Variants in MACROD2 observed in about 807,000 individuals in gnomAD.
MACROD2 encodes the protein mono-ADP ribosylhydrolase 2, also known as ADP-ribose glycohydrolase MACROD2.
MACROD2 carries 36 observed loss-of-function variants against 70.4 expected under a neutral mutation model. The observed-to-expected ratio is 0.51, with a 90% CI of 0.39 to 0.68. MACROD2 has a LOEUF of 0.68. MACROD2 is among the 30% of genes least tolerant of loss of function. MACROD2 has a pLI of 0.00. For missense variants in MACROD2, 496 were observed against 538.4 expected (o/e 0.92, Z 0.78); for synonymous variants, 172 against 178.8 (o/e 0.96, Z 0.30).
At chr20:15,116,700 C>A (rs2075994260) in intron 5 of MACROD2, among the ~76,000 whole-genome samples, 1 of 152,152 alleles carries the variant, frequency 6.6e-6, no homozygotes, top group South Asian at 2.1e-4. Flanking sequence ...ATAACATCTT[C>A]TTTTATCTAG....
At chr20:15,039,454 G>C (rs2075338621) in intron 5 of MACROD2, among the ~76,000 whole-genome samples, 1 of 152,134 alleles carries the variant, frequency 6.6e-6, no homozygotes, top group Admixed American at 6.5e-5. Flanking sequence ...GAAAGGGAAT[G>C]GGAGAAAGGA....
chr20:15,637,408 A>G (rs1383150844), intron 8 of MACROD2, among the ~76,000 whole-genome samples: 1 of 152,184 alleles, frequency 6.6e-6, no homozygotes, highest in East Asian at 1.9e-4. Flanking sequence ...GTTGCAAATG[A>G]ATTCTGCACT....
intron 5 of MACROD2, among the ~76,000 whole-genome samples, chr20:15,068,113 A>G (rs990652814): frequency 6.6e-6 from 1 of 152,136 alleles, no homozygotes. Context: ...CTGGATGGAT[A>G]TTTCTCTGCC....
At chr20:14,895,816 T>C (rs1026277254) in intron 5 of MACROD2, among the ~76,000 whole-genome samples, 1 of 152,184 alleles carries the variant, frequency 6.6e-6, no homozygotes, top group African/African-American at 2.4e-5. Flanking sequence ...ATTTTTATAA[T>C]TAAATTTTTA....
chr20:14,446,998 T>A (rs752143318), intron 3 of MACROD2, among the ~76,000 whole-genome samples: 18 of 151,982 alleles, frequency 1.2e-4, no homozygotes, highest in Non-Finnish European at 2.1e-4. Flanking sequence ...TTAGAAGATA[T>A]CAAGATGCAG....
intron 8 of MACROD2, among the ~76,000 whole-genome samples, chr20:15,764,956 C>A (rs996263595): frequency 2.0e-5 from 3 of 152,170 alleles, no homozygotes; most frequent in Non-Finnish European, 4.4e-5. Flanking sequence ...CTCCAAATGT[C>A]CCATGCTTGT....
intron 4 of MACROD2, among the ~76,000 whole-genome samples, chr20:14,619,133 TC>T (rs1169539716): frequency 6.6e-6 from 1 of 151,850 alleles, no homozygotes. Flanking sequence ...TTTGCTTGCT[TC>T]TTCAGAAAGT....
In MACROD2 at chr20:14,155,819, TTTG is replaced by T. The variant is rs536046080; in HGVS notation, c.271+70094_271+70096del. On this transcript the variant is annotated intron_variant, in intron 3 of 17. Coordinates refer to ENST00000684519, the MANE Select transcript of MACROD2 (RefSeq NM_001351661.2). ...TCAGCCTATAAAAGTTATCTATCATTTTGTTATCTTAATATTTAATTATAAATA... is the reference window on the plus strand; with the variant it reads ...TCAGCCTATAAAAGTTATCTATCATTTTATCTTAATATTTAATTATAAATA... 3.1e-3 allele frequency among the ~76,000 whole-genome samples: 477 copies of T among 152,298 alleles called. 2 individuals carry two copies. Among genetic ancestry groups the T allele is most frequent in the Non-Finnish European group, 5.0e-3 (341 of 68,024 alleles).
chr20:14,544,343 T>C (rs1243934676), intron 4 of MACROD2, among the ~76,000 whole-genome samples: 3 of 151,976 alleles, frequency 2.0e-5, no homozygotes, highest in Non-Finnish European at 4.4e-5. Context: ...ATGAGCAAAA[T>C]GAGTTTAAAA....
chr20:13,996,148 C>A (rs1028280071), intron 1 of MACROD2, among the ~76,000 whole-genome samples: 18 of 151,578 alleles, frequency 1.2e-4, no homozygotes, highest in African/African-American at 4.4e-4. Context: ...GCACAAGTTC[C>A]TCTGCACCGC....
In MACROD2 at chr20:14,248,091, AT is replaced by A. The variant is rs869137302; in HGVS notation, c.271+162364del. ...TTTTTCACTGTATTAATGATACGCC[AT>A]ATTTTTTTTACTGTTAAGTACTTAT... On this transcript the variant is annotated intron_variant, in intron 3 of 17. Transcript: ENST00000684519. Among the ~76,000 whole-genome samples the A allele has an allele frequency of 1.2e-3, 180 of 144,092 alleles. 1 individual carries two copies. The highest frequency in any genetic ancestry group is 2.0e-3 in the Non-Finnish European group (131 of 66,020). 94.5% of individuals were successfully genotyped at this position (144,092 alleles called of 152,430 possible). A position where few individuals can be genotyped will look rare whatever the true frequency, so the allele number is the denominator to read the frequency against.
chr20:15,109,857 A>G (rs1282589835), intron 5 of MACROD2, among the ~76,000 whole-genome samples: 1 of 152,146 alleles, frequency 6.6e-6, no homozygotes, highest in African/African-American at 2.4e-5. Context: ...ATTTAGCATG[A>G]ATAATATTTT....
chr20:15,071,964 A>C (rs2075622313), intron 5 of MACROD2, among the ~76,000 whole-genome samples: 1 of 152,154 alleles, frequency 6.6e-6, no homozygotes, highest in Non-Finnish European at 1.5e-5. Context: ...CTACTGTTTA[A>C]AAAATTTTTT....
Position 14,061,264 on chromosome 20 carries a change from G to C in MACROD2, c.164-24357G>C, listed in dbSNP as rs2053687586. ...ATGCTGGAAAATTCTGTTTAAATTT[G>C]ATTAGATACTTGAGTTGAATGAATT... is the stretch of plus-strand genomic sequence containing the variant. On this transcript the variant is annotated intron_variant, in intron 2 of 17. Coordinates refer to ENST00000684519, the MANE Select transcript of MACROD2 (RefSeq NM_001351661.2). Among the ~76,000 whole-genome samples the C allele has an allele frequency of 2.6e-5, 4 of 152,092 alleles. No individual in the cohort carries two copies. The South Asian group carries it at 8.3e-4, about 31-fold the overall frequency.
chr20:15,791,680 T>C (rs1159895077), intron 8 of MACROD2, among the ~76,000 whole-genome samples: 1 of 151,946 alleles, frequency 6.6e-6, no homozygotes. Flanking sequence ...CCATTTATAA[T>C]AGCAACAAGA....
At chr20:14,923,784 T>A (rs1252131284) in intron 5 of MACROD2, among the ~76,000 whole-genome samples, 1 of 15,152 alleles carries the variant, frequency 6.6e-5, no homozygotes, top group African/African-American at 2.6e-4. Context: ...AGGCTGGCGG[T>A]GCGTTGGGGG....
chr20:14,144,663 T>A (rs1569178376), intron 3 of MACROD2, among the ~76,000 whole-genome samples: 1 of 152,250 alleles, frequency 6.6e-6, no homozygotes, highest in Non-Finnish European at 1.5e-5. Flanking sequence ...TATAGTATTC[T>A]TAAGCAGTCA....
chr20:14,576,516 A>G (rs753792789), intron 4 of MACROD2, among the ~76,000 whole-genome samples: 19 of 152,214 alleles, frequency 1.2e-4, no homozygotes, highest in South Asian at 4.1e-4. Flanking sequence ...TGCTAATGGC[A>G]AAGTTGCTTT....
At chr20:15,805,549 T>C (rs1046457915) in intron 8 of MACROD2, among the ~76,000 whole-genome samples, 14 of 151,908 alleles carry the variant, frequency 9.2e-5, no homozygotes, top group African/African-American at 3.4e-4. Context: ...CGATCTCGGC[T>C]CACCACAACC....
Sources: allele counts gnomAD v4.1 joint callset (sites outside exome capture counted in the v4.1 genomes callset), GRCh38; gene constraint gnomAD v4.1.1; transcripts MANE v1.5; gene names NCBI Gene and HGNC (gene_info 2026-07-23, HGNC 2026-07-21).